NALCN: variants seen among roughly 807,000 people sequenced by gnomAD.
NALCN encodes the protein sodium leak channel, non-selective, also known as sodium leak channel NALCN.
In NALCN, 111 loss-of-function variants were observed where a neutral mutation model predicts 225.3. The observed-to-expected ratio is 0.49, with a 90% CI of 0.42 to 0.58. NALCN has a LOEUF of 0.58. Among genes scored for constraint, NALCN ranks in the 20% least tolerant of loss-of-function variants. The pLI is 0.00. For missense variants in NALCN, 1,378 were observed against 2,202.4 expected (o/e 0.63, Z 7.49); for synonymous variants, 764 against 769.0 (o/e 0.99, Z 0.11).
chr13:101,276,927 T>C lies in NALCN; in HGVS notation c.1134+7006A>G, dbSNP rs1415839127. Among the ~76,000 whole-genome samples, 6 of 152,170 alleles carry C rather than the reference T, an allele frequency of 3.9e-5. No individual in the cohort carries two copies. In the East Asian group the frequency reaches 9.6e-4, roughly 24 times the overall value. On this transcript the variant is annotated intron_variant, in intron 10 of 43. Coordinates refer to ENST00000251127, the MANE Select transcript of NALCN (RefSeq NM_052867.4). ...ATCAGAATCACTGCCCATTGAAATA[T>C]ATAAAATCCTAATAGTTTTATGCCA... is the stretch of plus-strand genomic sequence containing the variant.
chr13:101,368,761 T>G (rs1328151912), intron 6 of NALCN: 1 of 154,588 alleles, frequency 6.5e-6, no homozygotes, highest in East Asian at 1.9e-4. Flanking sequence ...ATCCCAGCAC[T>G]TTGGGAGGCT....
At chr13:101,244,992 T>G (rs989505469) in intron 11 of NALCN, among the ~76,000 whole-genome samples, 1 of 144,280 alleles carries the variant, frequency 6.9e-6, no homozygotes, top group African/African-American at 2.5e-5. Flanking sequence ...CAGAACCTAG[T>G]TGCCTGGAGG....
At chr13:101,236,526 A>G (rs2041559532) in intron 12 of NALCN, among the ~76,000 whole-genome samples, 1 of 152,152 alleles carries the variant, frequency 6.6e-6, no homozygotes, top group African/African-American at 2.4e-5. Context: ...ATGTCCAACA[A>G]TGATAGACTG....
At chr13:101,079,298 T>C (rs1395834993) in intron 34 of NALCN, among the ~76,000 whole-genome samples, 1 of 152,234 alleles carries the variant, frequency 6.6e-6, no homozygotes, top group Non-Finnish European at 1.5e-5. Flanking sequence ...TTGGAAGTAA[T>C]GACAACCAAT....
At chr13:101,377,835 C>A (rs1303966235) in intron 4 of NALCN, among the ~76,000 whole-genome samples, 1 of 151,692 alleles carries the variant, frequency 6.6e-6, no homozygotes, top group Non-Finnish European at 1.5e-5. Context: ...CAAAACAGAT[C>A]AAATCAAATC....
At chr13:101,344,100 T>C (rs2045642224) in intron 7 of NALCN, among the ~76,000 whole-genome samples, 1 of 146,228 alleles carries the variant, frequency 6.8e-6, no homozygotes, top group Non-Finnish European at 1.5e-5. Flanking sequence ...TATCAGCCTA[T>C]ATACATCTCG....
chr13:101,342,838 T>C (rs2139288454), intron 7 of NALCN, among the ~76,000 whole-genome samples: 1 of 152,314 alleles, frequency 6.6e-6, no homozygotes, highest in South Asian at 2.1e-4. Context: ...CTCTGGCTTT[T>C]AATATATTTT....
At chr13:101,239,955 T>G (rs950128894) in intron 11 of NALCN, among the ~76,000 whole-genome samples, 1 of 152,072 alleles carries the variant, frequency 6.6e-6, no homozygotes, top group South Asian at 2.1e-4. Flanking sequence ...TCACTTTAAT[T>G]TCTTTTTAAA....
chr13:101,056,246 C>CTTT lies in NALCN; in HGVS notation c.5024-761_5024-759dup, dbSNP rs34583741. Among the ~76,000 whole-genome samples, 409 of 45,866 alleles carry CTTT rather than the reference C, an allele frequency of 8.9e-3. 67 individuals are homozygous for CTTT. The highest frequency in any genetic ancestry group is 0.011 in the Non-Finnish European group (281 of 26,258). The allele number at this position is 45,866 out of a possible 152,430, so 30.1% of individuals were successfully genotyped here. On this transcript the variant is annotated intron_variant, in intron 43 of 43. Coordinates refer to ENST00000251127, the MANE Select transcript of NALCN (RefSeq NM_052867.4). ...ACCTAGGCATGGACCAGTGGAAGTA[C>CTTT]TTTTTTTTTTTTTTTTTTTTTTTTT...
At chr13:101,335,529 T>C (rs1258835169) in intron 7 of NALCN, among the ~76,000 whole-genome samples, 1 of 152,138 alleles carries the variant, frequency 6.6e-6, no homozygotes, top group African/African-American at 2.4e-5. Context: ...CAGGTTTTCC[T>C]TGTTCCATGA....
At chr13:101,163,651 A>G (rs2038296708) in intron 15 of NALCN, among the ~76,000 whole-genome samples, 1 of 152,092 alleles carries the variant, frequency 6.6e-6, no homozygotes, top group Non-Finnish European at 1.5e-5. Context: ...GGGTACGTCC[A>G]TTGTTCCCTG....
At chr13:101,153,847 G>A (rs1338793653) in intron 15 of NALCN, among the ~76,000 whole-genome samples, 1 of 152,140 alleles carries the variant, frequency 6.6e-6, no homozygotes, top group Admixed American at 6.5e-5. Flanking sequence ...GTAATGCAAA[G>A]ACTATCAATT....
intron 10 of NALCN, among the ~76,000 whole-genome samples, chr13:101,259,743 T>TATATATATAC (rs1365618085): frequency 4.1e-5 from 3 of 73,544 alleles, no homozygotes; most frequent in African/African-American, 9.7e-5. Flanking sequence ...TATATATATA[T>TATATATATAC]ATATATATAC....
At chr13:101,281,921 A>G (rs370910536) in intron 10 of NALCN, among the ~76,000 whole-genome samples, 8 of 152,274 alleles carry the variant, frequency 5.3e-5, no homozygotes, top group Admixed American at 2.6e-4. Context: ...TACGATCCCT[A>G]ATTATCAGGG....
At chr13:101,358,452 C>T (rs940861757) in intron 6 of NALCN, among the ~76,000 whole-genome samples, 10 of 152,280 alleles carry the variant, frequency 6.6e-5, no homozygotes, top group Middle Eastern at 6.8e-3. Context: ...AAAAGCTCAA[C>T]ACCACTGATC....
At chr13:101,320,477 A>T (rs2044706841) in intron 7 of NALCN, among the ~76,000 whole-genome samples, 1 of 152,212 alleles carries the variant, frequency 6.6e-6, no homozygotes, top group Non-Finnish European at 1.5e-5. Flanking sequence ...GACACTTGAG[A>T]TGCTCAATAA....
At chr13:101,121,456 G>A (rs148040457) in intron 18 of NALCN, among the ~76,000 whole-genome samples, 1,619 of 152,114 alleles carry the variant, frequency 0.011, 13 homozygotes, top group South Asian at 0.019. Context: ...CACAAATTAG[G>A]ACGAATGCCA....
chr13:101,209,023 C>T (rs1286434875), intron 13 of NALCN, among the ~76,000 whole-genome samples: 1 of 152,146 alleles, frequency 6.6e-6, no homozygotes, highest in Admixed American at 6.5e-5. Flanking sequence ...GTTATTGTAG[C>T]CTTATATGTT....
chr13:101,121,289 C>G (rs1363670948), intron 18 of NALCN, among the ~76,000 whole-genome samples: 2 of 152,082 alleles, frequency 1.3e-5, no homozygotes, highest in Non-Finnish European at 2.9e-5. Context: ...TTTACACAGC[C>G]AGGCCTCCAG....
Sources: gnomAD v4.1 joint callset for allele counts (sites outside exome capture counted in the v4.1 genomes callset) on GRCh38, gnomAD v4.1.1 for gene constraint, MANE v1.5 for transcripts, NCBI Gene and HGNC (gene_info 2026-07-23, HGNC 2026-07-21) for gene names.